Variants in SMARCC1 observed in about 807,000 individuals in gnomAD.
SMARCC1 encodes the protein SWI/SNF related BAF chromatin remodeling complex subunit C1.
Under a neutral mutation model 147.4 loss-of-function variants are expected in SMARCC1, and 43 were observed. The ratio of observed to expected loss-of-function variants is 0.29; its 90% CI spans 0.23 to 0.38. The LOEUF is 0.38. Among genes scored for constraint, SMARCC1 ranks in the 10% least tolerant of loss-of-function variants. SMARCC1 has a pLI of 1.00. For synonymous variants in SMARCC1, 495 were observed against 484.4 expected (o/e 1.02, Z -0.29); for missense variants, 1,119 against 1,381.1 (o/e 0.81, Z 3.01).
intron 6 of SMARCC1, among the ~76,000 whole-genome samples, chr3:47,728,442 T>C (rs947528972): frequency 6.6e-6 from 1 of 152,142 alleles, no homozygotes; most frequent in African/African-American, 2.4e-5. Flanking sequence ...ATGTGTACTT[T>C]CTACATCATT....
At chr3:47,747,655 A>C (rs1355265539) in intron 2 of SMARCC1, among the ~76,000 whole-genome samples, 1 of 151,702 alleles carries the variant, frequency 6.6e-6, no homozygotes, top group Non-Finnish European at 1.5e-5. Flanking sequence ...TTTTATAAAA[A>C]AGATAAATCA....
chr3:47,772,281 C>A (rs1273016067), intron 2 of SMARCC1, among the ~76,000 whole-genome samples: 1 of 152,056 alleles, frequency 6.6e-6, no homozygotes, highest in East Asian at 1.9e-4. Context: ...GTAGTCCCAG[C>A]CTCTTGGGAA....
intron 13 of SMARCC1, among the ~76,000 whole-genome samples, chr3:47,686,714 G>A (rs2033727888): frequency 6.6e-6 from 1 of 152,102 alleles, no homozygotes; most frequent in South Asian, 2.1e-4. Flanking sequence ...GGCTGGGCAA[G>A]GTGTCTCATG....
chr3:47,760,951 G>T (rs1368604923), intron 2 of SMARCC1, among the ~76,000 whole-genome samples: 1 of 152,010 alleles, frequency 6.6e-6, no homozygotes, highest in Non-Finnish European at 1.5e-5. Context: ...TAGCCAACAT[G>T]GTGAAACCCC....
rs147629830 is a variant in SMARCC1 at position 47,650,795 on chromosome 3, C to G, written c.2320+10499G>C. 8.6e-5 allele frequency among the ~76,000 whole-genome samples: 13 copies of G among 150,908 alleles called. No homozygotes were observed. The East Asian group carries it at 2.5e-3, about 29-fold the overall frequency. On this transcript the variant is annotated intron_variant, in intron 21 of 27. Transcript: ENST00000254480. ...ATGCCACTGTATCCAGCCAGGGAGA[C>G]ATAGCAAGACCCTGTCTCTTTAAAA...
At chr3:47,731,346 T>C (rs375580185) in intron 5 of SMARCC1, among the ~76,000 whole-genome samples, 101 of 152,298 alleles carry the variant, frequency 6.6e-4, no homozygotes, top group African/African-American at 2.3e-3. Context: ...TTGAACCACG[T>C]CTGTAGTTAC....
At chr3:47,717,405 G>C (rs896138763) in intron 7 of SMARCC1, among the ~76,000 whole-genome samples, 2 of 152,096 alleles carry the variant, frequency 1.3e-5, no homozygotes, top group African/African-American at 4.8e-5. Context: ...TTTTAAGAAA[G>C]GGGAGGTCAT....
chr3:47,777,375 G>A (rs1159240090), intron 1 of SMARCC1, among the ~76,000 whole-genome samples: 1 of 150,634 alleles, frequency 6.6e-6, no homozygotes, highest in Non-Finnish European at 1.5e-5. Flanking sequence ...GAGACACCAT[G>A]CCCGGCCTAT....
intron 5 of SMARCC1, among the ~76,000 whole-genome samples, chr3:47,733,977 GTATA>G (rs575979227): frequency 2.7e-5 from 4 of 150,776 alleles, no homozygotes; most frequent in African/African-American, 7.3e-5. Context: ...GTACGTGTGT[GTATA>G]TATATACATA....
At position 47,729,028 on chromosome 3, in the gene SMARCC1, C is replaced by T. The variant is rs370083362; in HGVS notation, c.643G>A (p.Asp215Asn). Reference sequence around the variant, plus strand: ...TCACAACGCAAAACTAACTTACCATCGTCTTGTGAGGAAGAATATGGGTAA... The same window carrying T: ...TCACAACGCAAAACTAACTTACCATTGTCTTGTGAGGAAGAATATGGGTAA... Reference protein sequence around the residue: ...HIYPYSSSQDDEEWLRPVMRK... With the variant: ...HIYPYSSSQDNEEWLRPVMRK... The change falls in exon 6 of 28, where the codon GAT becomes AAT. Residue 215 changes from aspartate to asparagine, a missense_variant. By Grantham distance (23) the Asp-to-Asn change is conservative. Coordinates refer to ENST00000254480, the MANE Select transcript of SMARCC1 (RefSeq NM_003074.4). The T allele has an allele frequency of 3.7e-6, 6 of 1,605,302 alleles. No individual in the cohort carries two copies. The highest frequency in any genetic ancestry group is 2.2e-5 in the South Asian group (2 of 90,392).
chr3:47,732,463 T>A (rs2034385515), intron 5 of SMARCC1, among the ~76,000 whole-genome samples: 1 of 152,234 alleles, frequency 6.6e-6, no homozygotes, highest in Non-Finnish European at 1.5e-5. Context: ...CTGTTTGACT[T>A]AAGAAGCCAA....
At chr3:47,720,620 T>G (rs953555495) in intron 7 of SMARCC1, 46 bp downstream of exon 7, 7 of 1,255,938 alleles carry the variant, frequency 5.6e-6, no homozygotes, top group Non-Finnish European at 1.1e-6. Flanking sequence ...TGTGCCTTCC[T>G]TTCACAGAAA....
intron 19 of SMARCC1, among the ~76,000 whole-genome samples, chr3:47,670,136 T>G (rs1207881162): frequency 6.6e-6 from 1 of 152,216 alleles, no homozygotes; most frequent in East Asian, 1.9e-4. Flanking sequence ...CTATAAAAAT[T>G]ATCAATTTAA....
In SMARCC1 at chr3:47,732,164, G is replaced by A. The variant is rs373823017; in HGVS notation, c.577-3070C>T. ...CTTGGCATTTTTATGTTCTGAAAAC[G>A]GCTTCTTTCCTTAAACCTCATTAGG... On this transcript the variant is annotated intron_variant, in intron 5 of 27. Transcript: ENST00000254480. Among the ~76,000 whole-genome samples, 367 of 152,200 alleles carry A rather than the reference G, an allele frequency of 2.4e-3. 1 individual carries two copies. Among genetic ancestry groups the A allele is most frequent in the African/African-American group, 5.1e-3 (210 of 41,542 alleles).
intron 2 of SMARCC1, among the ~76,000 whole-genome samples, chr3:47,762,834 A>G (rs926592297): frequency 6.6e-6 from 1 of 152,188 alleles, no homozygotes; most frequent in African/African-American, 2.4e-5. Context: ...TGGGAGGCCG[A>G]GGCGGGCAGA....
chr3:47,719,048 G>C (rs1419890892), intron 7 of SMARCC1, among the ~76,000 whole-genome samples: 1 of 152,090 alleles, frequency 6.6e-6, no homozygotes, highest in Non-Finnish European at 1.5e-5. Context: ...AAGTAGCTGG[G>C]ACTACAGGCA....
intron 2 of SMARCC1, among the ~76,000 whole-genome samples, chr3:47,763,041 G>A (rs183452436): frequency 2.1e-4 from 31 of 147,260 alleles, no homozygotes; most frequent in Non-Finnish European, 1.9e-4. Context: ...ACTCTAGCCT[G>A]GGCGACAGAG....
intron 25 of SMARCC1, among the ~76,000 whole-genome samples, chr3:47,620,154 G>A (rs971362800): frequency 6.6e-6 from 1 of 152,074 alleles, no homozygotes; most frequent in East Asian, 1.9e-4. Context: ...TCTTTATCTA[G>A]TCAACTCATT....
chr3:47,745,612 C>T (rs994450621), intron 3 of SMARCC1, among the ~76,000 whole-genome samples: 3 of 152,138 alleles, frequency 2.0e-5, no homozygotes, highest in Non-Finnish European at 4.4e-5. Context: ...ACTCAGGAGG[C>T]TGGGGCATGA....
Sources: allele counts gnomAD v4.1 joint callset (sites outside exome capture counted in the v4.1 genomes callset), GRCh38; gene constraint gnomAD v4.1.1; transcripts MANE v1.5; gene names NCBI Gene and HGNC (gene_info 2026-07-23, HGNC 2026-07-21).